The following DAPP1 variants were observed in gnomAD, a reference collection of about 807,000 sequenced individuals.
DAPP1 encodes dual adaptor of phosphotyrosine and 3-phosphoinositides 1.
DAPP1 carries 20 observed loss-of-function variants against 41.5 expected under a neutral mutation model. The observed-to-expected ratio is 0.48, with a 90% CI of 0.34 to 0.70. DAPP1 has a LOEUF of 0.70. Among genes scored for constraint, DAPP1 ranks in the 30% least tolerant of loss-of-function variants. DAPP1 has a pLI of 0.01. For synonymous variants in DAPP1, 113 were observed against 116.2 expected (o/e 0.97, Z 0.18); for missense variants, 233 against 333.4 (o/e 0.70, Z 2.35).
At chr4:99,836,044 A>G (rs560042958) in intron 2 of DAPP1, among the ~76,000 whole-genome samples, 24 of 152,164 alleles carry the variant, frequency 1.6e-4, no homozygotes, top group Non-Finnish European at 2.8e-4. Context: ...AAAAATCAAC[A>G]ATAGAAACAG....
chr4:99,870,004 T>C lies in DAPP1; in HGVS notation c.*1819T>C, dbSNP rs1243486542. ...GAATACTCACGGATATGTATAGTTT[T>C]ATGTTTGTTTTCTTAGAAACAAATG... On this transcript the variant is annotated 3_prime_UTR_variant, in exon 9 of 9. Transcript: ENST00000512369. 1 of 152,150 alleles carries C rather than the reference T, an allele frequency of 6.6e-6. No homozygotes were observed. Among genetic ancestry groups the C allele is most frequent in the East Asian group, 1.9e-4 (1 of 5,196 alleles). The allele number at this position is 152,150 out of a possible 1,614,324, so 9.4% of individuals were successfully genotyped here. A position where few individuals can be genotyped will look rare whatever the true frequency, so the allele number is the denominator to read the frequency against.
chr4:99,861,668 A>G, intron 5 of DAPP1, 43 bp downstream of exon 5: 1 of 1,547,574 alleles, frequency 6.5e-7, no homozygotes, highest in Non-Finnish European at 8.8e-7. Context: ...CAGAAAAAAG[A>G]GAACACGTCA....
intron 1 of DAPP1, among the ~76,000 whole-genome samples, chr4:99,834,238 G>A (rs1723219330): frequency 6.6e-6 from 1 of 152,186 alleles, no homozygotes; most frequent in Non-Finnish European, 1.5e-5. Context: ...AGGAGTGGAG[G>A]TACACATCCA....
At chr4:99,832,388 A>C (rs994583141) in intron 1 of DAPP1, among the ~76,000 whole-genome samples, 1 of 152,254 alleles carries the variant, frequency 6.6e-6, no homozygotes, top group Non-Finnish European at 1.5e-5. Context: ...GCTCATCAGA[A>C]TGTTCCAGGA....
In DAPP1 at chr4:99,868,232, T is replaced by C; in HGVS notation, c.*47T>C. On this transcript the variant is annotated 3_prime_UTR_variant, in exon 9 of 9. Transcript: ENST00000512369. ...TCTGGCCCAGGAGCAAGGTGGAATG[T>C]TTCCCTGACGCTGTGATCTGCAGCA... 6.6e-7 allele frequency: 1 copy of C among 1,504,088 alleles called. No individual in the cohort carries two copies. The allele number at this position is 1,504,088 out of a possible 1,614,324, so 93.2% of individuals were successfully genotyped here. A position where few individuals can be genotyped will look rare whatever the true frequency, so the allele number is the denominator to read the frequency against.
intron 1 of DAPP1, among the ~76,000 whole-genome samples, chr4:99,827,769 A>AT (rs1722992009): frequency 6.6e-6 from 1 of 152,094 alleles, no homozygotes; most frequent in Non-Finnish European, 1.5e-5. Context: ...GTTAAGACAG[A>AT]TTTTTTAAGT....
intron 7 of DAPP1, 127 bp downstream of exon 7, chr4:99,863,982 A>C: frequency 1.6e-6 from 1 of 639,310 alleles, no homozygotes; most frequent in Non-Finnish European, 2.7e-6. Context: ...GCCTGCATGT[A>C]AGGAGTGTTT....
chr4:99,839,023 GAAC>G (rs1177763167), intron 2 of DAPP1, among the ~76,000 whole-genome samples: 1 of 152,186 alleles, frequency 6.6e-6, no homozygotes, highest in Non-Finnish European at 1.5e-5. Context: ...CAGGAAAAAG[GAAC>G]AGTATGAACT....
intron 3 of DAPP1, among the ~76,000 whole-genome samples, chr4:99,851,200 C>A (rs958508914): frequency 3.3e-5 from 5 of 152,218 alleles, no homozygotes; most frequent in Non-Finnish European, 5.9e-5. Flanking sequence ...TAGCCGGCCC[C>A]TTCTCCTCAT....
intron 1 of DAPP1, among the ~76,000 whole-genome samples, chr4:99,829,794 A>G (rs907681232): frequency 2.0e-5 from 3 of 152,132 alleles, no homozygotes; most frequent in African/African-American, 7.3e-5. Flanking sequence ...TTATTAAATT[A>G]TTACATGAAG....
At chr4:99,862,744 A>ATTAAT (rs150170819) in intron 5 of DAPP1, among the ~76,000 whole-genome samples, 1 of 150,892 alleles carries the variant, frequency 6.6e-6, no homozygotes, top group Non-Finnish European at 1.5e-5. Context: ...AATGCATGAA[A>ATTAAT]TTAATTTTTA....
chr4:99,863,957 A>G, intron 7 of DAPP1, 102 bp downstream of exon 7: 1 of 752,724 alleles, frequency 1.3e-6, no homozygotes, highest in Non-Finnish European at 2.2e-6. Flanking sequence ...TACAAAGATC[A>G]GATATGAGGG....
chr4:99,820,938 G>C (rs1217863147), intron 1 of DAPP1, among the ~76,000 whole-genome samples: 1 of 152,196 alleles, frequency 6.6e-6, no homozygotes, highest in Non-Finnish European at 1.5e-5. Flanking sequence ...ACAGGTGTCT[G>C]ACAGGAATTA....
At chr4:99,867,940 C>T (rs1724517971) in intron 8 of DAPP1, among the ~76,000 whole-genome samples, 177 bp from the exon 9 acceptor site, 1 of 152,022 alleles carries the variant, frequency 6.6e-6, no homozygotes, top group Non-Finnish European at 1.5e-5. Context: ...AAAAAAAATA[C>T]AGAAAATTTT....
At chr4:99,832,491 T>C (rs1348513604) in intron 1 of DAPP1, among the ~76,000 whole-genome samples, 1 of 152,176 alleles carries the variant, frequency 6.6e-6, no homozygotes, top group East Asian at 1.9e-4. Context: ...ACTGACATCA[T>C]GGAATGTAGG....
chr4:99,819,658 T>G (rs1194646061), intron 1 of DAPP1, among the ~76,000 whole-genome samples: 1 of 142,782 alleles, frequency 7.0e-6, no homozygotes, highest in Non-Finnish European at 1.6e-5. Flanking sequence ...TGATTTAATG[T>G]AATGGATAGA....
At chr4:99,852,517 C>A (rs11944656) in intron 3 of DAPP1, among the ~76,000 whole-genome samples, 41,421 of 151,968 alleles carry the variant, frequency 0.27, 6,194 homozygotes, top group African/African-American at 0.39. Context: ...CTGGGCTGAG[C>A]CCTTTTTCTG....
downstream of DAPP1, among the ~76,000 whole-genome samples, chr4:99,870,671 T>C (rs1329954475): frequency 6.6e-6 from 1 of 152,174 alleles, no homozygotes; most frequent in Non-Finnish European, 1.5e-5. Flanking sequence ...CAGGGGAATA[T>C]GGGAGAAAAG....
intron 3 of DAPP1, 63 bp downstream of exon 3, chr4:99,840,485 A>C: frequency 4.6e-6 from 7 of 1,524,236 alleles, no homozygotes; most frequent in Non-Finnish European, 6.2e-6. Flanking sequence ...GAGACAAGGC[A>C]GATTTCAATT....
Sources: gnomAD v4.1 joint callset for allele counts (sites outside exome capture counted in the v4.1 genomes callset) on GRCh38, gnomAD v4.1.1 for gene constraint, MANE v1.5 for transcripts, NCBI Gene and HGNC (gene_info 2026-07-23, HGNC 2026-07-21) for gene names.